The following SH3RF1 variants were observed in gnomAD, a reference collection of about 807,000 sequenced individuals.
SH3RF1 encodes SH3 domain containing ring finger 1, also known as E3 ubiquitin-protein ligase SH3RF1.
Under a neutral mutation model 74.0 loss-of-function variants are expected in SH3RF1, and 32 were observed. The observed-to-expected ratio is 0.43, with a 90% CI of 0.33 to 0.58. The LOEUF (loss-of-function observed/expected upper bound fraction) is 0.58, where lower values mean the gene tolerates loss of function less well. Among genes scored for constraint, SH3RF1 ranks in the 20% least tolerant of loss-of-function variants. SH3RF1 has a pLI of 0.05. For synonymous variants in SH3RF1, 396 were observed against 439.6 expected (o/e 0.90, Z 1.24); for missense variants, 954 against 1,130.9 (o/e 0.84, Z 2.24).
At chr4:169,142,402 T>C (rs1228465980) in intron 4 of SH3RF1, among the ~76,000 whole-genome samples, 9 of 152,270 alleles carry the variant, frequency 5.9e-5, no homozygotes, top group East Asian at 5.8e-4. Context: ...TTTAACATCA[T>C]GCTTTAAAAA....
At chr4:169,221,179 C>T (rs1214546184) in intron 2 of SH3RF1, among the ~76,000 whole-genome samples, 1 of 152,184 alleles carries the variant, frequency 6.6e-6, no homozygotes, top group African/African-American at 2.4e-5. Flanking sequence ...AGACGAAAGG[C>T]TGAACACAAA....
intron 2 of SH3RF1, among the ~76,000 whole-genome samples, chr4:169,177,448 A>G (rs1017387418): frequency 4.5e-4 from 68 of 152,032 alleles, no homozygotes; most frequent in African/African-American, 1.4e-3. Context: ...GAACAGAAAC[A>G]AAGAGCTATT....
At position 169,269,327 on chromosome 4, in the gene SH3RF1, G is replaced by T; in HGVS notation, c.-95-20C>A. Reference sequence around the variant, plus strand: ...TTTGCTCTAGAGTCATGGGGAAAAGGGGGAAAAGAGAACATGAGTGTTGTT... The same window carrying T: ...TTTGCTCTAGAGTCATGGGGAAAAGTGGGAAAAGAGAACATGAGTGTTGTT... On this transcript the variant is annotated intron_variant, in intron 1 of 11. Transcript: ENST00000284637. The T allele has an allele frequency of 1.8e-6, 2 of 1,134,946 alleles. No individual in the cohort carries two copies. Among genetic ancestry groups the T allele is most frequent in the Non-Finnish European group, 2.4e-6 (2 of 826,862 alleles). 70.3% of individuals were successfully genotyped at this position (1,134,946 alleles called of 1,614,324 possible).
intron 2 of SH3RF1, among the ~76,000 whole-genome samples, chr4:169,237,878 C>G (rs115469794): frequency 5.3e-5 from 8 of 151,972 alleles, no homozygotes; most frequent in Non-Finnish European, 1.0e-4. Context: ...ATTTCCCCCC[C>G]GCTCCACACC....
chr4:169,120,704 T>A, intron 8 of SH3RF1, 115 bp downstream of exon 8: 1 of 1,122,682 alleles, frequency 8.9e-7, no homozygotes, highest in South Asian at 1.8e-5. Context: ...TTTTAAAACC[T>A]TGGCTATGTA....
chr4:169,228,702 G>A (rs1005707357), intron 2 of SH3RF1, among the ~76,000 whole-genome samples: 1 of 152,162 alleles, frequency 6.6e-6, no homozygotes, highest in African/African-American at 2.4e-5. Context: ...ATCTTGAGGG[G>A]AGGGAAAGGG....
chr4:169,158,380 G>A (rs1279263994), intron 2 of SH3RF1, among the ~76,000 whole-genome samples: 1 of 152,224 alleles, frequency 6.6e-6, no homozygotes, highest in Non-Finnish European at 1.5e-5. Context: ...GAAGTCACAT[G>A]TGCAGCGGGA....
intron 8 of SH3RF1, among the ~76,000 whole-genome samples, chr4:169,118,245 A>G (rs146002278): frequency 3.1e-4 from 47 of 152,318 alleles, no homozygotes; most frequent in African/African-American, 1.1e-3. Context: ...GCACTAGTGG[A>G]AAGTCCTCTC....
chr4:169,250,223 A>G (rs1374185332), intron 2 of SH3RF1, among the ~76,000 whole-genome samples: 1 of 152,170 alleles, frequency 6.6e-6, no homozygotes, highest in African/African-American at 2.4e-5. Context: ...GAAGTACACC[A>G]ATGCTGTCAG....
intron 11 of SH3RF1, among the ~76,000 whole-genome samples, chr4:169,101,524 G>A (rs2706743): frequency 0.55 from 83,331 of 151,866 alleles, 24,682 homozygotes; most frequent in Middle Eastern, 0.69. Context: ...TTCTAGAAAC[G>A]GATAGCAGTG....
chr4:169,111,542 G>C (rs1239410238), intron 10 of SH3RF1, among the ~76,000 whole-genome samples: 2 of 151,856 alleles, frequency 1.3e-5, no homozygotes, highest in African/African-American at 4.8e-5. Context: ...TGGGATTATA[G>C]GTGTGAGCCA....
chr4:169,258,369 C>A (rs1249640520), intron 2 of SH3RF1, among the ~76,000 whole-genome samples: 1 of 152,206 alleles, frequency 6.6e-6, no homozygotes, highest in East Asian at 1.9e-4. Flanking sequence ...CTTTAACCAA[C>A]ACTTCAGCTT....
At position 169,120,854 on chromosome 4, in the gene SH3RF1, C is replaced by T. The variant is rs149538079; in HGVS notation, c.1482G>A (p.Gly494=). Reference sequence around the variant, plus strand: ...GTGCCACATAATTGCCAGGGAAAACCCCTATCTTGCTGGTATGCATGGATG... The same window carrying T: ...GTGCCACATAATTGCCAGGGAAAACTCCTATCTTGCTGGTATGCATGGATG... ...KGTSMHTSKI[G]VFPGNYVAPV... is the part of the protein sequence containing the mutation. Residue 494 remains glycine, a synonymous_variant, in exon 8 of 12, where the codon GGG becomes GGA. Transcript: ENST00000284637. 1.3e-5 allele frequency: 21 copies of T among 1,614,002 alleles called. No homozygotes were observed. The highest frequency in any genetic ancestry group is 3.3e-5 in the Admixed American group (2 of 59,996).
chr4:169,197,534 G>C (rs1005254297), intron 2 of SH3RF1, among the ~76,000 whole-genome samples: 1 of 146,978 alleles, frequency 6.8e-6, no homozygotes, highest in African/African-American at 2.5e-5. Context: ...TGAGGCAGGA[G>C]AATCGCTTGA....
At chr4:169,142,100 G>A (rs1327821139) in intron 4 of SH3RF1, among the ~76,000 whole-genome samples, 1 of 152,058 alleles carries the variant, frequency 6.6e-6, no homozygotes, top group East Asian at 1.9e-4. Context: ...TTACAGGTGT[G>A]AGCCACTGCA....
intron 10 of SH3RF1, among the ~76,000 whole-genome samples, chr4:169,110,561 T>C (rs1246646258): frequency 6.6e-6 from 1 of 152,032 alleles, no homozygotes; most frequent in Admixed American, 6.6e-5. Flanking sequence ...GTCCAGGAGT[T>C]CAAGGCTAGC....
At chr4:169,215,354 CA>C (rs1730444983) in intron 2 of SH3RF1, among the ~76,000 whole-genome samples, 3 of 152,208 alleles carry the variant, frequency 2.0e-5, no homozygotes, top group African/African-American at 7.2e-5. Flanking sequence ...TTTGATTTGA[CA>C]ATATTTTGGT....
intron 2 of SH3RF1, among the ~76,000 whole-genome samples, chr4:169,190,460 T>C (rs1734682091): frequency 6.6e-6 from 1 of 151,848 alleles, no homozygotes; most frequent in Admixed American, 6.6e-5. Context: ...ATGCATAAAC[T>C]AGAAAACCTA....
At position 169,168,721 on chromosome 4, in the gene SH3RF1, C is replaced by T. The variant is rs192060577; in HGVS notation, c.394-12042G>A. Among the ~76,000 whole-genome samples the T allele has an allele frequency of 2.2e-4, 34 of 152,342 alleles. No individual in the cohort carries two copies. In the East Asian group the frequency reaches 4.0e-3, roughly 18 times the overall value. ...GACTTTGAAAAAATGAACAGTCTCA[C>T]GTTTGGTTCTGCCCAAAGGCAAAGG... On this transcript the variant is annotated intron_variant, in intron 2 of 11. Coordinates refer to ENST00000284637, the MANE Select transcript of SH3RF1 (RefSeq NM_020870.4).
Sources: allele counts gnomAD v4.1 joint callset (sites outside exome capture counted in the v4.1 genomes callset), GRCh38; gene constraint gnomAD v4.1.1; transcripts MANE v1.5; gene names NCBI Gene and HGNC (gene_info 2026-07-23, HGNC 2026-07-21).